Variants in EDA observed in about 807,000 individuals in gnomAD.
The protein encoded by EDA is ectodysplasin A, also known as ectodysplasin-A.
EDA carries 2 observed loss-of-function variants against 23.6 expected under a neutral mutation model. The ratio of observed to expected loss-of-function variants is 0.08; its 90% CI spans 0.03 to 0.27. EDA has a LOEUF of 0.27. EDA is among the 10% of genes least tolerant of loss of function. The pLI is 1.00. For missense variants in EDA, 229 were observed against 324.2 expected, an observed-to-expected ratio of 0.71 and a Z score of 2.26; for synonymous variants, 131 against 132.0, an observed-to-expected ratio of 0.99 and a Z score of 0.05.
intron 1 of EDA, among the ~76,000 whole-genome samples, chrX:69,647,809 T>C (rs1399556670): frequency 8.9e-6 from 1 of 112,345 alleles, no homozygotes; most frequent in Non-Finnish European, 1.9e-5. Context: ...TGATTCTTTC[T>C]TATCTTTGTG....
chrX:69,677,733 C>T (rs1429950925), intron 1 of EDA, among the ~76,000 whole-genome samples: 1 of 111,726 alleles, frequency 9.0e-6, no homozygotes, highest in Non-Finnish European at 1.9e-5. Flanking sequence ...AGCCCTTTGT[C>T]AGATGAGTAG....
At chrX:69,805,245 G>A (rs903175869) in intron 1 of EDA, among the ~76,000 whole-genome samples, 1 of 111,402 alleles carries the variant, frequency 9.0e-6, no homozygotes, top group Admixed American at 9.6e-5. Flanking sequence ...TGCCTCTGGA[G>A]GGGCCAGAGT....
intron 1 of EDA, among the ~76,000 whole-genome samples, chrX:69,829,067 T>C (rs919123927): frequency 8.9e-6 from 1 of 112,540 alleles, no homozygotes; most frequent in African/African-American, 3.2e-5. Context: ...TATCACCTTG[T>C]TTATTTCCTT....
chrX:69,616,255 T>C lies in EDA; in HGVS notation c.-54T>C. 1 of 1,150,022 alleles carries C rather than the reference T, an allele frequency of 8.7e-7. No individual in the cohort carries two copies. Among genetic ancestry groups the C allele is most frequent in the Non-Finnish European group, 1.2e-6 (1 of 868,146 alleles). 94.8% of individuals were successfully genotyped at this position (1,150,022 alleles called of 1,213,427 possible). On this transcript the variant is annotated 5_prime_UTR_variant, in exon 1 of 8. An upstream open reading frame in the 5' UTR loses its in-frame stop. Transcript: ENST00000374552. The stretch of plus-strand genomic sequence containing the variant: ...CCGCCTGTCAGAGGTCGTGAACGGC[T>C]GAGGCAGACGCAGCGGCTCCCGGGC...
At chrX:69,660,906 T>C (rs1233281045) in intron 1 of EDA, among the ~76,000 whole-genome samples, 13 of 111,566 alleles carry the variant, frequency 1.2e-4, no homozygotes, top group Middle Eastern at 4.6e-3. Flanking sequence ...TTCTAGATCC[T>C]TGAGGAATCG....
chrX:69,752,039 TC>T (rs2147392290), intron 1 of EDA, among the ~76,000 whole-genome samples: 1 of 111,101 alleles, frequency 9.0e-6, no homozygotes, highest in Non-Finnish European at 1.9e-5. Context: ...CAATTTGACT[TC>T]CTCTTTTCCT....
intron 1 of EDA, among the ~76,000 whole-genome samples, chrX:69,759,682 T>G (rs1384982691): frequency 4.5e-5 from 5 of 111,328 alleles, no homozygotes; most frequent in Admixed American, 1.9e-4. Flanking sequence ...GAACAATAAG[T>G]GAGCCCCATG....
intron 1 of EDA, among the ~76,000 whole-genome samples, chrX:69,681,414 T>A (rs1455661213): frequency 9.0e-6 from 1 of 111,230 alleles, no homozygotes; most frequent in Non-Finnish European, 1.9e-5. Context: ...TCCTGCAGAG[T>A]GTTTTCCAAC....
At chrX:69,845,345 G>T (rs1291273952) in intron 1 of EDA, among the ~76,000 whole-genome samples, 1 of 111,588 alleles carries the variant, frequency 9.0e-6, no homozygotes, top group Non-Finnish European at 1.9e-5. Context: ...CAGTGAAATT[G>T]GTCTCTATTC....
intron 2 of EDA, among the ~76,000 whole-genome samples, chrX:69,964,616 T>C (rs2019148643): frequency 8.9e-6 from 1 of 111,985 alleles, no homozygotes; most frequent in Admixed American, 9.5e-5. Context: ...AGCCTTTTCA[T>C]TAGCATCCCT....
At chrX:69,768,167 C>T (rs1297541313) in intron 1 of EDA, among the ~76,000 whole-genome samples, 1 of 111,385 alleles carries the variant, frequency 9.0e-6, no homozygotes, top group Admixed American at 9.6e-5. Flanking sequence ...ACAGTGATGT[C>T]TTCTGAAGAG....
chrX:69,799,981 A>G (rs2015642481), intron 1 of EDA, among the ~76,000 whole-genome samples: 1 of 112,102 alleles, frequency 8.9e-6, no homozygotes, highest in Admixed American at 9.5e-5. Context: ...GTGTCCATCA[A>G]TGGATGAATG....
chrX:69,972,945 A>G (rs1292064456), intron 2 of EDA, among the ~76,000 whole-genome samples: 2 of 111,302 alleles, frequency 1.8e-5, no homozygotes, highest in Non-Finnish European at 3.8e-5. Context: ...GATCCAACTA[A>G]CAGTCACAGA....
chrX:69,869,317 C>T (rs1228675569), intron 1 of EDA, among the ~76,000 whole-genome samples: 1 of 111,214 alleles, frequency 9.0e-6, no homozygotes, highest in African/African-American at 3.3e-5. Flanking sequence ...CCCTACTTGA[C>T]GTTTTGGGTC....
At chrX:69,858,626 G>A (rs960075757) in intron 1 of EDA, among the ~76,000 whole-genome samples, 1 of 111,601 alleles carries the variant, frequency 9.0e-6, no homozygotes, top group African/African-American at 3.3e-5. Context: ...GCTGGAGTTC[G>A]TTTGCTGGTA....
chrX:69,657,806 G>A (rs1448621923), intron 1 of EDA, among the ~76,000 whole-genome samples: 3 of 111,106 alleles, frequency 2.7e-5, no homozygotes, highest in African/African-American at 6.5e-5. Context: ...TTCATTTCAG[G>A]GGTCTCTATT....
intron 1 of EDA, among the ~76,000 whole-genome samples, chrX:69,634,820 G>A (rs906037889): frequency 4.5e-5 from 5 of 112,088 alleles, no homozygotes; most frequent in African/African-American, 1.3e-4. Flanking sequence ...GGGTGGTCCC[G>A]TAAGATTATA....
At chrX:69,942,730 T>C (rs1426815691) in intron 1 of EDA, among the ~76,000 whole-genome samples, 1 of 111,628 alleles carries the variant, frequency 9.0e-6, no homozygotes, top group Admixed American at 9.5e-5. Flanking sequence ...TGAATATGGA[T>C]ACCTTTCTCC....
At chrX:69,894,515 A>G (rs2017979597) in intron 1 of EDA, among the ~76,000 whole-genome samples, 1 of 112,106 alleles carries the variant, frequency 8.9e-6, no homozygotes, top group African/African-American at 3.2e-5. Flanking sequence ...CATTTTAACA[A>G]TATTGATTCT....
Sources: allele counts gnomAD v4.1 joint callset (sites outside exome capture counted in the v4.1 genomes callset), GRCh38; gene constraint gnomAD v4.1.1; transcripts MANE v1.5; gene names NCBI Gene and HGNC (gene_info 2026-07-23, HGNC 2026-07-21).